SPRED2: variants seen among roughly 807,000 people sequenced by gnomAD.
SPRED2 encodes sprouty related EVH1 domain containing 2, also known as sprouty-related, EVH1 domain-containing protein 2.
In SPRED2, 47 loss-of-function variants were observed where a neutral mutation model predicts 43.0. The observed-to-expected ratio is 1.09, with a 90% confidence interval of 0.87 to 1.40. The LOEUF (loss-of-function observed/expected upper bound fraction) is 1.40. Ranked by LOEUF, SPRED2 falls within the 40% of genes most tolerant of loss-of-function variation. The pLI, the probability that SPRED2 is intolerant of heterozygous loss-of-function variation, is 0.00. For missense variants in SPRED2, 561 were observed against 586.4 expected, an observed-to-expected ratio of 0.96 and a Z score of 0.45; for synonymous variants, 225 against 225.7, an observed-to-expected ratio of 1.00 and a Z score of 0.03.
intron 4 of SPRED2, among the ~76,000 whole-genome samples, chr2:65,320,874 C>T (rs1376079621): frequency 1.3e-5 from 2 of 152,152 alleles, no homozygotes; most frequent in Non-Finnish European, 2.9e-5. Flanking sequence ...CCCTGGTTTC[C>T]GTGGGCTGCA....
intron 1 of SPRED2, among the ~76,000 whole-genome samples, chr2:65,351,613 C>T (rs143875359): frequency 6.6e-5 from 10 of 152,294 alleles, no homozygotes; most frequent in Non-Finnish European, 1.5e-4. Context: ...TCACATCCCC[C>T]GCCCCCGGTC....
In SPRED2 at chr2:65,321,506, A is replaced by T. The variant is rs1673411724; in HGVS notation, c.439-4623T>A. 1.8e-4 allele frequency among the ~76,000 whole-genome samples: 4 copies of T among 22,144 alleles called. No individual in the cohort carries two copies. The African/African-American group carries it at 1.9e-3, about 11-fold the overall frequency. 14.5% of individuals were successfully genotyped at this position (22,144 alleles called of 152,430 possible). ...GGGCAACAAATCAAGACCCTGTCTA[A>T]AAAAAAAAAAAAAAAAAAAAAAAAG... is the stretch of plus-strand genomic sequence containing the variant. On this transcript the variant is annotated intron_variant, in intron 4 of 5. Coordinates refer to ENST00000356388, the MANE Select transcript of SPRED2 (RefSeq NM_181784.3).
rs1668872836 is a variant in SPRED2 at position 65,432,056 on chromosome 2, C to T, written c.-69G>A. ...CTCCCTTCATCTTCCTGTCCGCTCG[C>T]CCCCCTTCTTCACATCTCCGGAGAT... On this transcript the variant is annotated 5_prime_UTR_variant, in exon 1 of 6. Transcript: ENST00000356388. 9.4e-6 allele frequency: 15 copies of T among 1,599,032 alleles called. No individual in the cohort carries two copies. In the East Asian group the frequency reaches 2.7e-4, roughly 29 times the overall value.
chr2:65,391,080 T>G (rs1572889171), intron 1 of SPRED2, among the ~76,000 whole-genome samples: 1 of 81,744 alleles, frequency 1.2e-5, no homozygotes, highest in South Asian at 5.1e-4. Flanking sequence ...AGAGCGAGAC[T>G]CCATCTCAAA....
intron 2 of SPRED2, among the ~76,000 whole-genome samples, chr2:65,336,117 G>A (rs1673959774): frequency 6.6e-6 from 1 of 152,180 alleles, no homozygotes; most frequent in African/African-American, 2.4e-5. Flanking sequence ...CACTTTTGGG[G>A]GCTGAGGCAA....
chr2:65,322,769 T>C (rs1011959545), intron 4 of SPRED2, among the ~76,000 whole-genome samples: 1 of 152,212 alleles, frequency 6.6e-6, no homozygotes, highest in Admixed American at 6.5e-5. Flanking sequence ...TTGGAGTGAT[T>C]ATAAAGTTCC....
At chr2:65,378,693 CAGTA>C (rs1345892142) in intron 1 of SPRED2, among the ~76,000 whole-genome samples, 2 of 152,324 alleles carry the variant, frequency 1.3e-5, no homozygotes, top group East Asian at 3.9e-4. Context: ...AAAGTCAACC[CAGTA>C]AGTAACTGCA....
At chr2:65,377,071 T>C (rs1675257906) in intron 1 of SPRED2, among the ~76,000 whole-genome samples, 1 of 152,230 alleles carries the variant, frequency 6.6e-6, no homozygotes, top group African/African-American at 2.4e-5. Context: ...TGCACAATAT[T>C]CCACTATAGG....
intron 2 of SPRED2, chr2:65,344,505 G>A (rs1040049778): frequency 1.1e-5 from 8 of 701,560 alleles, no homozygotes; most frequent in African/African-American, 3.5e-5. Context: ...TAAGCATCTC[G>A]GATAAAGCGT....
At chr2:65,410,805 G>A (rs1407737232) in intron 1 of SPRED2, among the ~76,000 whole-genome samples, 1 of 152,026 alleles carries the variant, frequency 6.6e-6, no homozygotes, top group Non-Finnish European at 1.5e-5. Context: ...GAACCTAAAG[G>A]ATGAGGCTTT....
chr2:65,339,733 TAAAAA>T (rs35323811), intron 2 of SPRED2, among the ~76,000 whole-genome samples: 2 of 130,392 alleles, frequency 1.5e-5, no homozygotes, highest in Non-Finnish European at 3.3e-5. Flanking sequence ...AAAAAAATCC[TAAAAA>T]AAAAAAAAAG....
Position 65,331,969 on chromosome 2 carries a change from A to G in SPRED2, c.438+18T>C. The stretch of plus-strand genomic sequence containing the variant: ...ATTCAACAACTAATCTGGAAAGCAA[A>G]GGACAAAGGAAACTTACTGTAAAAA... On this transcript the variant is annotated intron_variant, in intron 4 of 5. Coordinates refer to ENST00000356388, the MANE Select transcript of SPRED2 (RefSeq NM_181784.3). 3.1e-6 allele frequency: 5 copies of G among 1,587,704 alleles called. No homozygotes were observed. Among genetic ancestry groups the G allele is most frequent in the Non-Finnish European group, 4.3e-6 (5 of 1,161,480 alleles).
chr2:65,363,010 T>TG (rs1009549055), intron 1 of SPRED2, among the ~76,000 whole-genome samples: 2 of 70,608 alleles, frequency 2.8e-5, no homozygotes, highest in African/African-American at 7.7e-5. Flanking sequence ...GTTTTGTTTT[T>TG]TTTTTTTTTT....
chr2:65,352,588 C>A (rs147869149), intron 1 of SPRED2, among the ~76,000 whole-genome samples: 1 of 152,206 alleles, frequency 6.6e-6, no homozygotes, highest in Non-Finnish European at 1.5e-5. Context: ...GCAGAGTAAC[C>A]CCTACCCTTA....
At chr2:65,355,095 G>T (rs1391057747) in intron 1 of SPRED2, among the ~76,000 whole-genome samples, 2 of 152,198 alleles carry the variant, frequency 1.3e-5, no homozygotes, top group Admixed American at 1.3e-4. Flanking sequence ...CTTGAAGTTT[G>T]AAAACTCTTT....
intron 1 of SPRED2, among the ~76,000 whole-genome samples, chr2:65,392,866 G>A (rs1014128552): frequency 6.6e-6 from 1 of 152,180 alleles, no homozygotes; most frequent in African/African-American, 2.4e-5. Context: ...GGGGAAGACT[G>A]TTGAGAGTGG....
chr2:65,345,259 GTTTT>G (rs66991368), intron 1 of SPRED2, among the ~76,000 whole-genome samples: 24 of 111,376 alleles, frequency 2.2e-4, no homozygotes, highest in Non-Finnish European at 2.5e-4. Flanking sequence ...TTTAGTTGTT[GTTTT>G]TTTTTTTTTT....
intron 2 of SPRED2, among the ~76,000 whole-genome samples, chr2:65,335,618 T>A (rs1673942012): frequency 6.6e-6 from 1 of 152,196 alleles, no homozygotes; most frequent in Non-Finnish European, 1.5e-5. Context: ...CAATTCTCCT[T>A]CTTGTCATCT....
chr2:65,351,248 C>T (rs908044095), intron 1 of SPRED2, among the ~76,000 whole-genome samples: 2 of 152,122 alleles, frequency 1.3e-5, no homozygotes, highest in African/African-American at 2.4e-5. Context: ...TTTATAAAGA[C>T]CAGGTTTAGT....
Sources: gnomAD v4.1 joint callset for allele counts (sites outside exome capture counted in the v4.1 genomes callset) on GRCh38, gnomAD v4.1.1 for gene constraint, MANE v1.5 for transcripts, NCBI Gene and HGNC (gene_info 2026-07-23, HGNC 2026-07-21) for gene names.